Variants in PCLO observed in about 807,000 individuals in gnomAD.
PCLO encodes the protein protein piccolo.
In PCLO, 82 loss-of-function variants were observed where a neutral mutation model predicts 427.5. The observed-to-expected ratio is 0.19, with a 90% CI of 0.16 to 0.23. PCLO has a LOEUF of 0.23. Among genes scored for constraint, PCLO ranks in the 10% least tolerant of loss-of-function variants. The pLI, the probability that PCLO is intolerant of heterozygous loss-of-function variation, is 1.00. For missense variants in PCLO, 6,239 were observed against 6,115.9 expected (o/e 1.02, Z -0.67); for synonymous variants, 2,357 against 2,155.4 (o/e 1.09, Z -2.59).
intron 6 of PCLO, among the ~76,000 whole-genome samples, chr7:82,938,367 T>C (rs1795004055): frequency 6.6e-6 from 1 of 152,072 alleles, no homozygotes; most frequent in African/African-American, 2.4e-5. Flanking sequence ...AACTGGTTTG[T>C]TGCTTCATTC....
At chr7:82,994,637 G>T (rs1796453804) in intron 3 of PCLO, among the ~76,000 whole-genome samples, 1 of 139,636 alleles carries the variant, frequency 7.2e-6, no homozygotes, top group African/African-American at 2.7e-5. Flanking sequence ...ATATTTATGG[G>T]GTATATGAGA....
chr7:82,856,628 T>C (rs903709541), intron 10 of PCLO, among the ~76,000 whole-genome samples: 3 of 152,166 alleles, frequency 2.0e-5, no homozygotes, highest in African/African-American at 7.2e-5. Flanking sequence ...CAATAATAGA[T>C]ATGTAATGTC....
chr7:82,850,123 C>T (rs1276521660), intron 10 of PCLO, among the ~76,000 whole-genome samples: 1 of 152,072 alleles, frequency 6.6e-6, no homozygotes, highest in Non-Finnish European at 1.5e-5. Context: ...ATTCTCCTGC[C>T]TTAGGCTCCT....
chr7:82,966,575 C>T (rs1242337027), intron 3 of PCLO, 88 bp from the exon 4 acceptor site: 3 of 713,284 alleles, frequency 4.2e-6, no homozygotes, highest in East Asian at 2.9e-5. Context: ...TTTGGCAATT[C>T]CTATCTGCTG....
chr7:82,770,983 T>C (rs6975748), intron 22 of PCLO, among the ~76,000 whole-genome samples: 9,643 of 152,072 alleles, frequency 0.063, 716 homozygotes, highest in African/African-American at 0.18. Flanking sequence ...GAACATTTTA[T>C]GTGTAGGACA....
At chr7:82,825,753 G>C (rs892236518) in intron 18 of PCLO, among the ~76,000 whole-genome samples, 1 of 125,884 alleles carries the variant, frequency 7.9e-6, no homozygotes, top group Non-Finnish European at 1.8e-5. Context: ...ATTGTATATA[G>C]ACATATATAC....
At chr7:82,919,433 T>C (rs1025898779) in intron 6 of PCLO, among the ~76,000 whole-genome samples, 1 of 151,824 alleles carries the variant, frequency 6.6e-6, no homozygotes, top group Admixed American at 6.6e-5. Context: ...CATGAAGAAA[T>C]AGAGACCCAG....
intron 6 of PCLO, among the ~76,000 whole-genome samples, chr7:82,943,339 T>C (rs1406701843): frequency 6.6e-5 from 10 of 152,162 alleles, no homozygotes; most frequent in Non-Finnish European, 1.0e-4. Context: ...TAATAGCCTA[T>C]GTACTTTTAA....
At chr7:83,117,661 G>A (rs931267253) in intron 3 of PCLO, among the ~76,000 whole-genome samples, 3 of 152,122 alleles carry the variant, frequency 2.0e-5, no homozygotes, top group Admixed American at 2.0e-4. Flanking sequence ...ATAACTCTAA[G>A]CCCATATTGC....
intron 9 of PCLO, among the ~76,000 whole-genome samples, chr7:82,891,539 C>A (rs988434587): frequency 2.0e-5 from 3 of 151,818 alleles, no homozygotes; most frequent in African/African-American, 7.3e-5. Context: ...CCTTCTCCTG[C>A]CTGATTGTCC....
chr7:83,120,431 A>T (rs997715065), intron 3 of PCLO, among the ~76,000 whole-genome samples: 2 of 148,410 alleles, frequency 1.3e-5, no homozygotes, highest in African/African-American at 5.0e-5. Flanking sequence ...AGTTTATTCA[A>T]GGAAATAATA....
chr7:82,909,510 A>G (rs1237393927), intron 7 of PCLO, among the ~76,000 whole-genome samples: 1 of 152,060 alleles, frequency 6.6e-6, no homozygotes, highest in African/African-American at 2.4e-5. Context: ...CATTCTGCAC[A>G]TGTATCCCAG....
intron 3 of PCLO, among the ~76,000 whole-genome samples, chr7:83,096,425 A>G (rs564222812): frequency 6.6e-6 from 1 of 152,222 alleles, no homozygotes; most frequent in South Asian, 2.1e-4. Flanking sequence ...AAGTTATTTA[A>G]GTCTTCTAAC....
rs750032172 is a variant in PCLO at position 83,019,299 on chromosome 7, GGAA to G, written c.3301-52815_3301-52813del. ...ATCTTTTGCGGGGTAGAGTAAGGCA[GGAA>G]GAAGAACAGAAATAAGAACTTCTTT... On this transcript the variant is annotated intron_variant, in intron 3 of 24. Coordinates refer to ENST00000333891, the MANE Select transcript of PCLO (RefSeq NM_033026.6). Among the ~76,000 whole-genome samples the G allele has an allele frequency of 2.0e-4, 31 of 151,936 alleles. 1 individual carries two copies. Among genetic ancestry groups the G allele is most frequent in the African/African-American group, 4.6e-4 (19 of 41,504 alleles).
chr7:83,086,484 T>C (rs1411072402), intron 3 of PCLO, among the ~76,000 whole-genome samples: 2 of 113,636 alleles, frequency 1.8e-5, no homozygotes, highest in African/African-American at 6.7e-5. Context: ...CCATGCCAAG[T>C]TGGAAAAAAA....
chr7:83,074,099 G>A (rs970987244), intron 3 of PCLO, among the ~76,000 whole-genome samples: 1 of 151,896 alleles, frequency 6.6e-6, no homozygotes, highest in African/African-American at 2.4e-5. Flanking sequence ...TAATTGCAAG[G>A]AAACCATAAG....
At chr7:82,783,417 A>C (rs543434340) in intron 22 of PCLO, among the ~76,000 whole-genome samples, 2 of 152,330 alleles carry the variant, frequency 1.3e-5, no homozygotes, top group African/African-American at 2.4e-5. Context: ...GATCGAGACC[A>C]TCCCGGCTAA....
At chr7:82,837,724 T>C (rs1792264827) in intron 15 of PCLO, among the ~76,000 whole-genome samples, 1 of 152,038 alleles carries the variant, frequency 6.6e-6, no homozygotes. Flanking sequence ...ATTTTATAAT[T>C]TTTAAATCAG....
At chr7:83,129,616 T>C (rs1791521163) in intron 3 of PCLO, among the ~76,000 whole-genome samples, 2 of 152,118 alleles carry the variant, frequency 1.3e-5, no homozygotes, top group South Asian at 4.1e-4. Context: ...AAGTTTTCCT[T>C]GGGAAATAGT....
Sources: gnomAD v4.1 joint callset for allele counts (sites outside exome capture counted in the v4.1 genomes callset) on GRCh38, gnomAD v4.1.1 for gene constraint, MANE v1.5 for transcripts, NCBI Gene and HGNC (gene_info 2026-07-23, HGNC 2026-07-21) for gene names.